Variants in PTCH1 observed in about 807,000 individuals in gnomAD.
The protein encoded by PTCH1 is patched 1, also known as protein patched homolog 1.
PTCH1 carries 14 observed loss-of-function variants against 144.6 expected under a neutral mutation model. That is an observed-to-expected ratio of 0.10 (90% CI 0.06 to 0.15). PTCH1 has a LOEUF of 0.15. Among genes scored for constraint, PTCH1 ranks in the 10% least tolerant of loss-of-function variants. The probability of loss-of-function intolerance (pLI) is 1.00; values close to 1 mark genes in which losing one functional copy is unlikely to be tolerated. For synonymous variants in PTCH1, 833 were observed against 793.6 expected, an observed-to-expected ratio of 1.05 and a Z score of -0.83; for missense variants, 1,623 against 1,948.3, an observed-to-expected ratio of 0.83 and a Z score of 3.14.
At position 95,508,230 on chromosome 9, in the gene PTCH1, C is replaced by T. The variant is rs375446796; in HGVS notation, c.132G>A (p.Ala44=). 1.1e-5 allele frequency: 18 copies of T among 1,610,282 alleles called. No homozygotes were observed. The highest frequency in any genetic ancestry group is 1.5e-5 in the Non-Finnish European group (18 of 1,179,352). ...GCCGGTGCAGATAGTCCCGGTCCGG[C>T]GCGGCAGCACGGCGCAGCCCCCCCG... The part of the protein sequence containing the change: ...RRTGGLRRAA[A]PDRDYLHRPS... Residue 44 remains alanine (A), a synonymous_variant, in exon 1 of 24, where the codon GCG becomes GCA. Coordinates refer to ENST00000331920, the MANE Select transcript of PTCH1 (RefSeq NM_000264.5).
Position 95,479,468 on chromosome 9 carries a change from G to A in PTCH1, c.1068-321C>T, listed in dbSNP as rs574402641. ...CTTGAACAGATACACCGGGCTCAGT[G>A]ACGCATACTTGCTGTGCAGAAATCC... is the stretch of plus-strand genomic sequence containing the variant. On this transcript the variant is annotated intron_variant, in intron 7 of 23. Coordinates refer to ENST00000331920, the MANE Select transcript of PTCH1 (RefSeq NM_000264.5). 1.3e-5 allele frequency among the ~76,000 whole-genome samples: 2 copies of A among 152,312 alleles called. 1 individual carries two copies. The highest frequency in any genetic ancestry group is 4.1e-4 in the South Asian group (2 of 4,826).
upstream of PTCH1, among the ~76,000 whole-genome samples, chr9:95,509,824 A>G (rs1336609982): frequency 6.6e-6 from 1 of 151,748 alleles, no homozygotes; most frequent in East Asian, 1.9e-4. Flanking sequence ...TGTGTGCCAG[A>G]TTTTTTTTTC....
intron 2 of PTCH1, among the ~76,000 whole-genome samples, chr9:95,499,947 C>T (rs946733140): frequency 2.0e-4 from 31 of 151,430 alleles, no homozygotes; most frequent in South Asian, 2.1e-4. Context: ...ACAGGGCAGA[C>T]GAGTTTCAGC....
At chr9:95,507,345 G>T (rs1400419104) in intron 1 of PTCH1, 1 of 985,406 alleles carries the variant, frequency 1.0e-6, no homozygotes, top group African/African-American at 1.7e-5. Flanking sequence ...GCCGGCGCAG[G>T]CTGCTCCCCG....
chr9:95,507,528 G>T, intron 1 of PTCH1: 1 of 809,410 alleles, frequency 1.2e-6, no homozygotes, highest in African/African-American at 1.9e-5. Context: ...TTCCTCCCCC[G>T]ACCAGGCCCT....
intron 19 of PTCH1, among the ~76,000 whole-genome samples, chr9:95,455,131 C>A (rs1234341933): frequency 6.6e-6 from 1 of 152,154 alleles, no homozygotes; most frequent in African/African-American, 2.4e-5. Context: ...TGAGCAGGCT[C>A]AAAATTTAGA....
chr9:95,443,130 A>C lies in PTCH1; in HGVS notation c.*3263T>G, dbSNP rs891568622. 2 of 152,224 alleles carry C rather than the reference A, an allele frequency of 1.3e-5. No individual in the cohort carries two copies. The highest frequency in any genetic ancestry group is 2.9e-5 in the Non-Finnish European group (2 of 68,042). 9.4% of individuals were successfully genotyped at this position (152,224 alleles called of 1,614,324 possible). A position where few individuals can be genotyped will look rare whatever the true frequency, so the allele number is the denominator to read the frequency against. On this transcript the variant is annotated 3_prime_UTR_variant, in exon 24 of 24. Transcript: ENST00000331920. Reference sequence around the variant, plus strand: ...GAGAAAACAAAAATAGGGTCAGGTGATAAGAAATTAATTAATGGGTACAAT... The same window carrying C: ...GAGAAAACAAAAATAGGGTCAGGTGCTAAGAAATTAATTAATGGGTACAAT...
At position 95,449,582 on chromosome 9, in the gene PTCH1, CA is replaced by C; in HGVS notation, c.3549+258del. On this transcript the variant is annotated intron_variant, in intron 21 of 23. Transcript: ENST00000331920. This position sits in a 1 kb window ranked among gnomAD's most constrained non-coding sequence, Gnocchi z 5.3. ...TCTTGTGAAGTCCAATTATGCATCT[CA>C]AGGGGAAAGTCTTCATTTACTGTAT... 1 of 633,690 alleles carries C rather than the reference CA, an allele frequency of 1.6e-6. No individual in the cohort carries two copies. 39.3% of individuals were successfully genotyped at this position (633,690 alleles called of 1,614,324 possible). A position where few individuals can be genotyped will look rare whatever the true frequency, so the allele number is the denominator to read the frequency against.
At chr9:95,489,073 A>G (rs147828103) in intron 2 of PTCH1, among the ~76,000 whole-genome samples, 1 of 152,328 alleles carries the variant, frequency 6.6e-6, no homozygotes, top group African/African-American at 2.4e-5. Flanking sequence ...CGACACTCAT[A>G]TATTCTGACA....
intron 16 of PTCH1, among the ~76,000 whole-genome samples, chr9:95,460,751 G>C (rs551058761): frequency 2.0e-4 from 31 of 152,194 alleles, no homozygotes; most frequent in African/African-American, 6.0e-4. Flanking sequence ...TCTCCCTCCC[G>C]GGAGGAGGAA....
chr9:95,474,401 C>T (rs915497321), intron 12 of PTCH1, among the ~76,000 whole-genome samples: 3 of 152,200 alleles, frequency 2.0e-5, no homozygotes, highest in African/African-American at 7.2e-5. Flanking sequence ...ACTTCAGCTG[C>T]ACTGCGAGTC....
In PTCH1 at chr9:95,479,116, T is replaced by C. The variant is rs753152792; in HGVS notation, c.1099A>G (p.Met367Val). The C allele has an allele frequency of 8.7e-6, 14 of 1,614,066 alleles. No individual in the cohort carries two copies. The highest frequency in any genetic ancestry group is 8.5e-6 in the Non-Finnish European group (10 of 1,180,018). ...TGCTCGTACATTTGCTTGGGAGTCA[T>C]TAACTGGAACATGGTCTGCAGGGCA... is the stretch of plus-strand genomic sequence containing the variant. ...AHALQTMFQL[M>V]TPKQMYEHFK... Residue 367 changes from methionine (M) to valine (V), a missense_variant, in exon 8 of 24, where the codon ATG (methionine) becomes GTG (valine). Physicochemically the swap from Met to Val is conservative, Grantham distance 21. Around this residue, in one of 7 missense-constraint regions of PTCH1, gnomAD observed 230 missense variants for 271.0 expected, o/e 0.85. Coordinates refer to ENST00000331920, the MANE Select transcript of PTCH1 (RefSeq NM_000264.5).
intron 2 of PTCH1, 103 bp from the exon 3 acceptor site, chr9:95,485,977 C>A: frequency 7.7e-7 from 1 of 1,294,122 alleles, no homozygotes; most frequent in Non-Finnish European, 1.1e-6. Flanking sequence ...TAGATGAACT[C>A]TAGTCATGAG....
chr9:95,494,597 G>C (rs1211468622), intron 2 of PTCH1, among the ~76,000 whole-genome samples: 2 of 152,194 alleles, frequency 1.3e-5, no homozygotes, highest in African/African-American at 2.4e-5. Context: ...GCAACAGGCA[G>C]GCAGATGCAC....
intron 22 of PTCH1, 106 bp from the exon 23 acceptor site, chr9:95,447,557 C>T: frequency 7.8e-7 from 1 of 1,282,244 alleles, no homozygotes; most frequent in Non-Finnish European, 1.1e-6. Context: ...TCAGTCAACC[C>T]TGGGGAGCCA....
At chr9:95,493,926 GT>G (rs1246633322) in intron 2 of PTCH1, among the ~76,000 whole-genome samples, 2 of 152,074 alleles carry the variant, frequency 1.3e-5, no homozygotes, top group Non-Finnish European at 2.9e-5. Flanking sequence ...TTTCTGGGCC[GT>G]TTTTTTCCTT....
intron 16 of PTCH1, 179 bp from the exon 17 acceptor site, chr9:95,459,962 C>T (rs1489273364): frequency 5.7e-6 from 4 of 707,902 alleles, no homozygotes; most frequent in South Asian, 1.6e-5. Context: ...GTGCACTTAT[C>T]GGAGGATGCA....
intron 19 of PTCH1, among the ~76,000 whole-genome samples, chr9:95,455,633 G>C (rs974684181): frequency 9.2e-5 from 14 of 152,308 alleles, no homozygotes; most frequent in Middle Eastern, 3.4e-3. Flanking sequence ...GGGCAAGATA[G>C]AGAAAAAGAG....
chr9:95,451,980 T>C (rs934358215), intron 20 of PTCH1: 2 of 152,228 alleles, frequency 1.3e-5, no homozygotes, highest in South Asian at 2.1e-4. Flanking sequence ...TCTAGCTCCA[T>C]GGACATTGCA....
Sources: allele counts gnomAD v4.1 joint callset (sites outside exome capture counted in the v4.1 genomes callset), GRCh38; gene constraint gnomAD v4.1.1; regional missense constraint gnomAD v4.1.1; non-coding constraint Gnocchi (gnomAD v3.1); transcripts MANE v1.5; gene names NCBI Gene and HGNC (gene_info 2026-07-23, HGNC 2026-07-21).